SPOCK3: variants seen among roughly 807,000 people sequenced by gnomAD.
SPOCK3 encodes SPARC (osteonectin), cwcv and kazal like domains proteoglycan 3.
Under a neutral mutation model 56.6 loss-of-function variants are expected in SPOCK3, and 30 were observed. The ratio of observed to expected loss-of-function variants is 0.53; its 90% CI spans 0.40 to 0.72. SPOCK3 has a LOEUF of 0.72. Ranked by LOEUF, SPOCK3 falls within the 30% of genes least tolerant of loss-of-function variation. The pLI, the probability that SPOCK3 is intolerant of heterozygous loss-of-function variation, is 0.00. For missense variants in SPOCK3, 527 were observed against 530.0 expected (o/e 0.99, Z 0.06); for synonymous variants, 196 against 183.3 (o/e 1.07, Z -0.56).
At chr4:166,953,069 C>A (rs376633656) in intron 4 of SPOCK3, among the ~76,000 whole-genome samples, 5 of 151,760 alleles carry the variant, frequency 3.3e-5, no homozygotes, top group Admixed American at 6.6e-5. Context: ...GCAACAAAAG[C>A]CAAAATTGAC....
At chr4:166,764,470 T>G (rs1437602460) in intron 7 of SPOCK3, among the ~76,000 whole-genome samples, 2 of 152,156 alleles carry the variant, frequency 1.3e-5, no homozygotes, top group Non-Finnish European at 2.9e-5. Flanking sequence ...GATAGTTTGC[T>G]GAGAATGATG....
rs938977072 is a variant in SPOCK3 at position 166,742,206 on chromosome 4, A to G, written c.932-147T>C. 16 of 593,404 alleles carry G rather than the reference A, an allele frequency of 2.7e-5. No homozygotes were observed. The Middle Eastern group carries it at 1.4e-3, about 52-fold the overall frequency. The allele number at this position is 593,404 out of a possible 1,614,324, so 36.8% of individuals were successfully genotyped here. ...TTGGTTTACTTATAAAGATACATTC[A>G]TATAGGTACATACATGTGTCTATCT... is the stretch of plus-strand genomic sequence containing the variant. On this transcript the variant is annotated intron_variant, in intron 8 of 10. Transcript: ENST00000357545.
rs1365949 is a variant in SPOCK3, at chr4:167,083,840, C to T, written c.190-21303G>A. ...AAGTCTTAGAAATTAGTTTCTTTAG[C>T]TTCAGGGCTTTTAAACCTAAATTGT... On this transcript the variant is annotated intron_variant, in intron 2 of 10. Transcript: ENST00000357545. Among the ~76,000 whole-genome samples the T allele has an allele frequency of 2.5e-3, 386 of 152,216 alleles. 6 individuals are homozygous for T. In the East Asian group the frequency reaches 0.026, roughly 10 times the overall value.
chr4:166,954,252 GCTGT>G (rs1399344085), intron 4 of SPOCK3, among the ~76,000 whole-genome samples: 4 of 152,152 alleles, frequency 2.6e-5, no homozygotes, highest in Admixed American at 1.3e-4. Flanking sequence ...CATTTTGTGG[GCTGT>G]CTATTCAGTC....
At chr4:167,101,265 T>C (rs1026662772) in intron 2 of SPOCK3, among the ~76,000 whole-genome samples, 2 of 152,146 alleles carry the variant, frequency 1.3e-5, no homozygotes, top group Non-Finnish European at 2.9e-5. Flanking sequence ...CCCAAAATTT[T>C]ATGGCTTTGG....
chr4:167,030,021 C>A (rs995424746), intron 3 of SPOCK3, among the ~76,000 whole-genome samples: 50 of 151,768 alleles, frequency 3.3e-4, no homozygotes, highest in African/African-American at 8.9e-4. Flanking sequence ...TCTCGCTCTT[C>A]TATTGTTTCA....
At chr4:167,146,274 A>G (rs535527283) in intron 2 of SPOCK3, among the ~76,000 whole-genome samples, 4 of 152,312 alleles carry the variant, frequency 2.6e-5, no homozygotes. Flanking sequence ...TTGTAAATAT[A>G]TATGCACCCA....
chr4:166,762,423 C>T (rs572392903), intron 7 of SPOCK3, among the ~76,000 whole-genome samples: 13 of 152,052 alleles, frequency 8.5e-5, no homozygotes, highest in South Asian at 2.1e-4. Context: ...CATAGAGAAA[C>T]GGCCATATCA....
chr4:166,877,383 A>G (rs796267690), intron 6 of SPOCK3, among the ~76,000 whole-genome samples: 6 of 152,228 alleles, frequency 3.9e-5, no homozygotes, highest in African/African-American at 1.4e-4. Flanking sequence ...TATTTCTTTT[A>G]TGGTGTTAAA....
chr4:167,062,571 C>A, intron 2 of SPOCK3, 34 bp from the exon 3 acceptor site: 1 of 1,535,336 alleles, frequency 6.5e-7, no homozygotes, highest in East Asian at 2.3e-5. Context: ...TGAGTGTATA[C>A]AAGTAATTAA....
chr4:167,045,026 A>G (rs1430342229), intron 3 of SPOCK3, among the ~76,000 whole-genome samples: 2 of 152,152 alleles, frequency 1.3e-5, no homozygotes, highest in Non-Finnish European at 1.5e-5. Context: ...CTCCAGTACA[A>G]TAGTGAATTC....
intron 6 of SPOCK3, among the ~76,000 whole-genome samples, chr4:166,853,411 C>T (rs1415519123): frequency 1.3e-5 from 2 of 152,140 alleles, no homozygotes; most frequent in African/African-American, 4.8e-5. Flanking sequence ...CTGATCTCCT[C>T]TTATTTTTAT....
At chr4:167,128,133 T>A (rs979407950) in intron 2 of SPOCK3, among the ~76,000 whole-genome samples, 6 of 152,200 alleles carry the variant, frequency 3.9e-5, no homozygotes, top group Admixed American at 2.0e-4. Flanking sequence ...TTCTTTTCCA[T>A]GCATAAATTG....
In SPOCK3 at chr4:167,145,273, C is replaced by A. The variant is rs891642058; in HGVS notation, c.190-82736G>T. Among the ~76,000 whole-genome samples the A allele has an allele frequency of 3.9e-5, 6 of 152,090 alleles. No homozygotes were observed. The East Asian group carries it at 9.7e-4, about 25-fold the overall frequency. On this transcript the variant is annotated intron_variant, in intron 2 of 10. Transcript: ENST00000357545. The stretch of plus-strand genomic sequence containing the variant: ...ACTGTGGAAGAAGTAGCTGGGCAGG[C>A]AGGAAGACCAGTATTTCTGCTTTGG...
chr4:167,202,632 A>AC (rs1327328838), intron 2 of SPOCK3, among the ~76,000 whole-genome samples: 3 of 151,934 alleles, frequency 2.0e-5, no homozygotes, highest in Non-Finnish European at 4.4e-5. Flanking sequence ...TCTATTACAA[A>AC]CCATGTTGCC....
At chr4:167,125,436 G>A (rs1440379271) in intron 2 of SPOCK3, among the ~76,000 whole-genome samples, 4 of 149,796 alleles carry the variant, frequency 2.7e-5, no homozygotes, top group Admixed American at 1.3e-4. Flanking sequence ...ACCCCCGGCC[G>A]GGCGCGGTGG....
intron 2 of SPOCK3, among the ~76,000 whole-genome samples, chr4:167,233,343 C>T (rs1170349732): frequency 2.0e-5 from 3 of 152,178 alleles, no homozygotes. Context: ...GCCCTCGCAA[C>T]CTCTTCCCGC....
intron 4 of SPOCK3, among the ~76,000 whole-genome samples, chr4:166,933,544 C>CATT (rs1401122149): frequency 2.4e-4 from 36 of 152,116 alleles, no homozygotes; most frequent in African/African-American, 8.4e-4. Context: ...GGAAATTTAT[C>CATT]ATTATTATTA....
chr4:166,991,742 C>T (rs1747812631), intron 4 of SPOCK3, among the ~76,000 whole-genome samples: 2 of 152,076 alleles, frequency 1.3e-5, no homozygotes, highest in Non-Finnish European at 2.9e-5. Context: ...AAACAGTATT[C>T]TTTACTGGTA....
Sources: allele counts gnomAD v4.1 joint callset (sites outside exome capture counted in the v4.1 genomes callset), GRCh38; gene constraint gnomAD v4.1.1; transcripts MANE v1.5; gene names NCBI Gene and HGNC (gene_info 2026-07-23, HGNC 2026-07-21).